Variants in PNMA6E observed in about 807,000 individuals in gnomAD.
PNMA6E encodes the protein PNMA family member 6E.
For missense variants in PNMA6E, 78 were observed against 50.8 expected (o/e 1.53, Z -1.63); for synonymous variants, 43 against 17.1 (o/e 2.52, Z -3.74).
rs1171797028 is a variant in PNMA6E at position 153,398,135 on chromosome X, C to T, written c.715G>A (p.Gly239Arg). ...GCGCCTCCTGCCTCACCTGCTGCTC[C>T]TGCCTCACCTGCGCCTCCTGCCTCA... The part of the protein sequence containing the change: ...AGEAGGAGEA[G>R]AAGEAGGAGE... Residue 239 changes from glycine (G) to arginine (R), a missense_variant, in exon 2 of 2, where the codon GGA becomes AGA. By Grantham distance (125) the Gly-to-Arg change is moderately radical. Coordinates refer to ENST00000445091, the MANE Select transcript of PNMA6E (RefSeq NM_001367770.1). 6.8e-6 allele frequency: 3 copies of T among 439,791 alleles called. No individual in the cohort carries two copies. The African/African-American group carries it at 7.7e-5, about 11-fold the overall frequency. 36.2% of individuals were successfully genotyped at this position (439,791 alleles called of 1,213,427 possible).
Position 153,397,524 on chromosome X carries a change from G to C in PNMA6E, c.1326C>G (p.Val442=). 4 of 298,499 alleles carry C rather than the reference G, an allele frequency of 1.3e-5. No individual in the cohort carries two copies. The highest frequency in any genetic ancestry group is 2.3e-5 in the Non-Finnish European group (4 of 170,695). 24.6% of individuals were successfully genotyped at this position (298,499 alleles called of 1,213,427 possible). A position where few individuals can be genotyped will look rare whatever the true frequency, so the allele number is the denominator to read the frequency against. ...GCAGGTAATTGGCCAAGGCTGGGCA[G>C]ACGGCCCCCTTCTCCACAGCCCTCT... ...LLQRAVEKGA[V]CPALANYLRL... Residue 442 remains valine, a synonymous_variant, in exon 2 of 2, where the codon GTC becomes GTG. Transcript: ENST00000445091.
chrX:153,410,585 C>G, the PNMA6E span, among the ~76,000 whole-genome samples: 2 of 112,622 alleles, frequency 1.8e-5, no homozygotes, highest in Non-Finnish European at 3.8e-5. Flanking sequence ...TCGCCCTTCC[C>G]CTATGCCCCA....
At chrX:153,413,183 A>T in the PNMA6E span, among the ~76,000 whole-genome samples, 1 of 108,635 alleles carries the variant, frequency 9.2e-6, no homozygotes, top group Admixed American at 9.8e-5. Context: ...GTGGATGAAA[A>T]AGCCCAAATT....
At position 153,398,672 on chromosome X, in the gene PNMA6E, G is replaced by C. The variant is rs1403844289; in HGVS notation, c.178C>G (p.Leu60Val). Reference protein sequence around the residue: ...RVLTKHFRKELGAKAALVEFA... With the variant: ...RVLTKHFRKEVGAKAALVEFA... The stretch of plus-strand genomic sequence containing the variant: ...TCCACCAAGGCTGCCTTGGCCCCGA[G>C]CTCCTTTCTGAAGTGCTTGGTGAGT... Residue 60 changes from leucine to valine, a missense_variant, in exon 2 of 2, where the codon CTC becomes GTC. By Grantham distance (32) the Leu-to-Val change is conservative. Coordinates refer to ENST00000445091, the MANE Select transcript of PNMA6E (RefSeq NM_001367770.1). 1 of 326,036 alleles carries C rather than the reference G, an allele frequency of 3.1e-6. No individual in the cohort carries two copies. The highest frequency in any genetic ancestry group is 5.3e-6 in the Non-Finnish European group (1 of 188,534). 26.9% of individuals were successfully genotyped at this position (326,036 alleles called of 1,213,427 possible).
the PNMA6E span, among the ~76,000 whole-genome samples, chrX:153,409,131 GC>G: frequency 8.8e-6 from 1 of 113,019 alleles, no homozygotes; most frequent in Non-Finnish European, 1.9e-5. Flanking sequence ...CCACTCCCCT[GC>G]CCCCCGGCTA....
Position 153,398,597 on chromosome X carries a change from T to G in PNMA6E, c.253A>C (p.Asn85His), listed in dbSNP as rs1194506601. 5.9e-6 allele frequency: 2 copies of G among 338,215 alleles called. No homozygotes were observed. Among genetic ancestry groups the G allele is most frequent in the Non-Finnish European group, 1.0e-5 (2 of 195,957 alleles). The allele number at this position is 338,215 out of a possible 1,213,427, so 27.9% of individuals were successfully genotyped here. A position where few individuals can be genotyped will look rare whatever the true frequency, so the allele number is the denominator to read the frequency against. The stretch of plus-strand genomic sequence containing the variant: ...AAGATCACTTTCCAGGGCCCCCCAT[T>G]GCCTGGTATTTGATGGGGAATCAAG... ...RSLIPHQIPG[N>H]GGPWKVIFLP... Residue 85 changes from asparagine (N) to histidine (H), a missense_variant, in exon 2 of 2, where the codon AAT (asparagine) becomes CAT (histidine). By Grantham distance (68) the Asn-to-His change is moderately conservative. Coordinates refer to ENST00000445091, the MANE Select transcript of PNMA6E (RefSeq NM_001367770.1).
At chrX:153,406,234 G>C (rs782665667), upstream of PNMA6E, among the ~76,000 whole-genome samples, 1 of 112,382 alleles carries the variant, frequency 8.9e-6, no homozygotes, top group East Asian at 2.8e-4. Flanking sequence ...CATCGGCGGA[G>C]AGCTAGTCCC....
At position 153,396,948 on chromosome X, in the gene PNMA6E, C is replaced by A. The variant is rs185860360; in HGVS notation, c.1902G>T (p.Gly634=). 6.7e-4 allele frequency: 198 copies of A among 296,477 alleles called. 1 individual carries two copies. The East Asian group carries it at 9.4e-3, about 14-fold the overall frequency. The allele number at this position is 296,477 out of a possible 1,213,427, so 24.4% of individuals were successfully genotyped here. The change falls in exon 2 of 2, where the codon GGG becomes GGT. Residue 634 remains glycine, a synonymous_variant. Transcript: ENST00000445091. ...LEEPENEDED[G]AGDEGQPKSS... The stretch of plus-strand genomic sequence containing the variant: ...ACTTGGGCTGGCCCTCGTCCCCGGC[C>A]CCATCCTCATCCTCGTTTTCCGGCT...
At chrX:153,403,643 TA>T (rs782289513), upstream of PNMA6E, among the ~76,000 whole-genome samples, 481 of 110,334 alleles carry the variant, frequency 4.4e-3, 3 homozygotes, top group African/African-American at 0.015. Flanking sequence ...GAGATGGGTT[TA>T]AAAAAAAATG....
chrX:153,407,532 G>A, the PNMA6E span, among the ~76,000 whole-genome samples: 1 of 110,886 alleles, frequency 9.0e-6, no homozygotes, highest in African/African-American at 3.3e-5. Context: ...ACTGTGCCCA[G>A]CCAAAACTTT....
In PNMA6E at chrX:153,397,853, C is replaced by T. The variant is rs1257286938; in HGVS notation, c.997G>A (p.Glu333Lys). ...PFSRREQPGCEEESFESWVEH... is the reference protein window; with the variant it reads ...PFSRREQPGCKEESFESWVEH... ...ACCCAGCTCTCAAAGGACTCTTCCT[C>T]GCAGCCTGGCTGCTCCCTCCTGGAA... Residue 333 changes from glutamate to lysine, a missense_variant, in exon 2 of 2, where the codon GAG becomes AAG. Transcript: ENST00000445091. 9 of 330,875 alleles carry T rather than the reference C, an allele frequency of 2.7e-5. No individual in the cohort carries two copies. Among genetic ancestry groups the T allele is most frequent in the Middle Eastern group, 7.8e-4 (1 of 1,275 alleles). The allele number at this position is 330,875 out of a possible 1,213,427, so 27.3% of individuals were successfully genotyped here. A position where few individuals can be genotyped will look rare whatever the true frequency, so the allele number is the denominator to read the frequency against.
rs2088796402 is a variant in PNMA6E, at chrX:153,395,745, GT to G, written c.*1160del. 1 of 112,631 alleles carries G rather than the reference GT, an allele frequency of 8.9e-6. No individual in the cohort carries two copies. Among genetic ancestry groups the G allele is most frequent in the Non-Finnish European group, 1.9e-5 (1 of 53,051 alleles). 9.3% of individuals were successfully genotyped at this position (112,631 alleles called of 1,213,427 possible). ...TGTAAACAGCCACCACAGGACACAG[GT>G]CCCAGGCCCCCTCCTCCTGGGGTTC... On this transcript the variant is annotated 3_prime_UTR_variant, in exon 2 of 2. Transcript: ENST00000445091.
At chrX:153,410,596 G>C in the PNMA6E span, among the ~76,000 whole-genome samples, 2 of 112,684 alleles carry the variant, frequency 1.8e-5, no homozygotes, top group Non-Finnish European at 3.8e-5. Context: ...CTATGCCCCA[G>C]ATGGACGGCT....
chrX:153,402,255 G>T (rs552420745), upstream of PNMA6E, among the ~76,000 whole-genome samples: 65 of 111,791 alleles, frequency 5.8e-4, 1 homozygote, highest in South Asian at 0.023. Context: ...CTGTTATTGG[G>T]TGCAAACATA....
chrX:153,403,601 C>G (rs1178278113), upstream of PNMA6E, among the ~76,000 whole-genome samples: 3 of 111,408 alleles, frequency 2.7e-5, no homozygotes, highest in Admixed American at 9.5e-5. Flanking sequence ...CTGAAATTTC[C>G]TATTTGAAAA....
chrX:153,398,097 T>G lies in PNMA6E; in HGVS notation c.753A>C (p.Arg251Ser). 1.1e-5 allele frequency: 5 copies of G among 449,007 alleles called. No individual in the cohort carries two copies. Among genetic ancestry groups the G allele is most frequent in the Non-Finnish European group, 1.9e-5 (5 of 257,173 alleles). 37.0% of individuals were successfully genotyped at this position (449,007 alleles called of 1,213,427 possible). A position where few individuals can be genotyped will look rare whatever the true frequency, so the allele number is the denominator to read the frequency against. The change falls in exon 2 of 2, where the codon AGA becomes AGC. Residue 251 changes from arginine (R) to serine (S), a missense_variant. By Grantham distance (110) the Arg-to-Ser change is moderately radical. Coordinates refer to ENST00000445091, the MANE Select transcript of PNMA6E (RefSeq NM_001367770.1). Reference protein sequence around the residue: ...AGEAGGAGEGRAAGEAGAAGE... With the variant: ...AGEAGGAGEGSAAGEAGAAGE... ...CTGCTGCTCCTGCCTCACCTGCTGCTCTTCCCTCACCTGCGCCTCCTGCCT... is the reference window on the plus strand; with the variant it reads ...CTGCTGCTCCTGCCTCACCTGCTGCGCTTCCCTCACCTGCGCCTCCTGCCT...
chrX:153,401,204 C>T (rs1278336214), intron 1 of PNMA6E, 40 bp downstream of exon 1: 1 of 108,300 alleles, frequency 9.2e-6, no homozygotes. Flanking sequence ...GGCAACACCT[C>T]CTGGGCCTGG....
At chrX:153,409,827 A>G in the PNMA6E span, among the ~76,000 whole-genome samples, 2 of 111,007 alleles carry the variant, frequency 1.8e-5, no homozygotes, top group African/African-American at 3.3e-5. Context: ...GGCCGCTCAC[A>G]CTCTCTGGAA....
At chrX:153,411,263 C>G in the PNMA6E span, among the ~76,000 whole-genome samples, 2 of 112,878 alleles carry the variant, frequency 1.8e-5, no homozygotes, top group African/African-American at 6.4e-5. Context: ...CCTCCCGTCC[C>G]CTTCAGGAGC....
Sources: gnomAD v4.1 joint callset for allele counts (sites outside exome capture counted in the v4.1 genomes callset) on GRCh38, gnomAD v4.1.1 for gene constraint, MANE v1.5 for transcripts, NCBI Gene and HGNC (gene_info 2026-07-23, HGNC 2026-07-21) for gene names.